RCC2: variants seen among roughly 807,000 people sequenced by gnomAD.
RCC2 encodes the protein regulator of chromosome condensation 2, also known as protein RCC2.
A neutral mutation model predicts 64.1 loss-of-function variants in RCC2; 19 were observed. That is an observed-to-expected ratio of 0.30 (90% CI 0.21 to 0.44). The LOEUF is 0.44. RCC2 is among the 20% of genes least tolerant of loss of function. The pLI is 1.00. For missense variants in RCC2, 508 were observed against 710.4 expected, an observed-to-expected ratio of 0.72 and a Z score of 3.24; for synonymous variants, 325 against 279.6, an observed-to-expected ratio of 1.16 and a Z score of -1.62.
chr1:17,415,895 C>A (rs1464274893), intron 8 of RCC2, among the ~76,000 whole-genome samples: 1 of 151,630 alleles, frequency 6.6e-6, no homozygotes, highest in Non-Finnish European at 1.5e-5. Context: ...ATGGAGAAAC[C>A]CTGTCTCTAC....
chr1:17,435,771 A>C (rs1250294781), intron 2 of RCC2, among the ~76,000 whole-genome samples: 1 of 152,120 alleles, frequency 6.6e-6, no homozygotes, highest in African/African-American at 2.4e-5. Context: ...ACAAAAAATT[A>C]GCCAGGTGTG....
At chr1:17,434,094 G>A (rs1225185256) in intron 2 of RCC2, among the ~76,000 whole-genome samples, 2 of 152,198 alleles carry the variant, frequency 1.3e-5, no homozygotes, top group Non-Finnish European at 2.9e-5. Context: ...TATGAAGTGC[G>A]CAAAGAATTA....
chr1:17,435,316 A>G (rs1457772577), intron 2 of RCC2, among the ~76,000 whole-genome samples: 1 of 152,240 alleles, frequency 6.6e-6, no homozygotes, highest in Non-Finnish European at 1.5e-5. Context: ...CGACACCTGC[A>G]GCTTTGGGGT....
chr1:17,429,343 C>G, intron 2 of RCC2, 144 bp from the exon 3 acceptor site: 1 of 661,254 alleles, frequency 1.5e-6, no homozygotes, highest in Non-Finnish European at 2.7e-6. Flanking sequence ...ACAGAGTCTC[C>G]CCACACTCCC....
At chr1:17,425,767 T>C (rs1297856202) in intron 3 of RCC2, 83 bp from the exon 4 acceptor site, 3 of 1,421,884 alleles carry the variant, frequency 2.1e-6, no homozygotes, top group Non-Finnish European at 2.9e-6. Context: ...AAGCAGCCAC[T>C]TCCCGAGGGT....
chr1:17,422,616 G>T (rs2075567554), intron 5 of RCC2, 89 bp downstream of exon 5: 3 of 1,510,956 alleles, frequency 2.0e-6, no homozygotes, highest in Non-Finnish European at 2.7e-6. Flanking sequence ...AGTCACAAGG[G>T]GAACTCCACC....
chr1:17,431,353 A>AT (rs2075675283), intron 2 of RCC2, among the ~76,000 whole-genome samples: 2 of 47,918 alleles, frequency 4.2e-5, no homozygotes, highest in African/African-American at 1.8e-4. Flanking sequence ...AAAAAAAAAA[A>AT]AAAAAAATAT....
chr1:17,424,939 G>A (rs2075596732), intron 4 of RCC2, among the ~76,000 whole-genome samples: 1 of 152,148 alleles, frequency 6.6e-6, no homozygotes, highest in African/African-American at 2.4e-5. Flanking sequence ...GAGTGCCCAG[G>A]TGAGGAAAAA....
chr1:17,408,930 G>A lies in RCC2; in HGVS notation c.*160C>T, dbSNP rs2075395242. ...GCATACAGAAAAAAAGGTAGTTAAC[G>A]TTGGATCATGTGTAAAACGGAACCT... On this transcript the variant is annotated 3_prime_UTR_variant, in exon 13 of 13. Coordinates refer to ENST00000375436, the MANE Select transcript of RCC2 (RefSeq NM_018715.4). 1.8e-5 allele frequency: 11 copies of A among 622,548 alleles called. No individual in the cohort carries two copies. The highest frequency in any genetic ancestry group is 8.2e-5 in the Admixed American group (3 of 36,670). The allele number at this position is 622,548 out of a possible 1,614,324, so 38.6% of individuals were successfully genotyped here.
chr1:17,412,421 G>C (rs565586868), intron 10 of RCC2, among the ~76,000 whole-genome samples: 1 of 152,358 alleles, frequency 6.6e-6, no homozygotes, highest in South Asian at 2.1e-4. Flanking sequence ...AGGCCTAGGG[G>C]CCAAAGGCAG....
intron 2 of RCC2, among the ~76,000 whole-genome samples, chr1:17,434,208 T>G (rs1286580837): frequency 6.6e-6 from 1 of 152,172 alleles, no homozygotes; most frequent in Non-Finnish European, 1.5e-5. Context: ...TTTTGTATGC[T>G]AATGACTGAC....
rs2075432747 is a variant in RCC2, at chr1:17,412,036, T to C, written c.1386+86A>G. 4 of 1,189,392 alleles carry C rather than the reference T, an allele frequency of 3.4e-6. No individual in the cohort carries two copies. The Admixed American group carries it at 7.1e-5, about 21-fold the overall frequency. 73.7% of individuals were successfully genotyped at this position (1,189,392 alleles called of 1,614,324 possible). On this transcript the variant is annotated intron_variant, in intron 11 of 12. Coordinates refer to ENST00000375436, the MANE Select transcript of RCC2 (RefSeq NM_018715.4). ...CCCAAATGTTTTTCTTCTGTGTGTT[T>C]TGGGAGACAGGTGGAGAGAACCCAA...
chr1:17,415,967 G>A (rs1233234317), intron 8 of RCC2, among the ~76,000 whole-genome samples: 1 of 151,578 alleles, frequency 6.6e-6, no homozygotes, highest in East Asian at 2.0e-4. Context: ...TACTCGGGAG[G>A]CTGAGGCAGG....
intron 4 of RCC2, among the ~76,000 whole-genome samples, chr1:17,424,082 T>G (rs1486545185): frequency 2.6e-5 from 4 of 152,160 alleles, no homozygotes; most frequent in African/African-American, 9.7e-5. Context: ...CAAGTGCAAG[T>G]CTCAGTGGAC....
At chr1:17,439,330 CTTTTT>C (rs34171604) in intron 1 of RCC2, among the ~76,000 whole-genome samples, 22 of 139,410 alleles carry the variant, frequency 1.6e-4, no homozygotes, top group African/African-American at 5.5e-4. Flanking sequence ...CCCCTGTCTG[CTTTTT>C]TTTTTTTTTT....
In RCC2 at chr1:17,435,918, CAAAAAAAA is replaced by C. The variant is rs57932179; in HGVS notation, c.285+2304_285+2311del. 3.4e-5 allele frequency among the ~76,000 whole-genome samples: 3 copies of C among 88,268 alleles called. No individual in the cohort carries two copies. The South Asian group carries it at 1.1e-3, about 33-fold the overall frequency. 57.9% of individuals were successfully genotyped at this position (88,268 alleles called of 152,430 possible). A position where few individuals can be genotyped will look rare whatever the true frequency, so the allele number is the denominator to read the frequency against. On this transcript the variant is annotated intron_variant, in intron 2 of 12. Coordinates refer to ENST00000375436, the MANE Select transcript of RCC2 (RefSeq NM_018715.4). The stretch of plus-strand genomic sequence containing the variant: ...GGGCAACAACAGCTAAACTCCAGCT[CAAAAAAAA>C]AAAAAAAAAAGCAAAACTTAAATGT...
chr1:17,416,318 G>C (rs564604290), intron 8 of RCC2, among the ~76,000 whole-genome samples, 162 bp downstream of exon 8: 5 of 152,238 alleles, frequency 3.3e-5, no homozygotes, highest in African/African-American at 1.2e-4. Flanking sequence ...CCTGCCCTGG[G>C]ACCAAGGACC....
chr1:17,412,107 C>G lies in RCC2; in HGVS notation c.1386+15G>C. 2 of 1,613,882 alleles carry G rather than the reference C, an allele frequency of 1.2e-6. No individual in the cohort carries two copies. The highest frequency in any genetic ancestry group is 1.7e-6 in the Non-Finnish European group (2 of 1,179,748). On this transcript the variant is annotated intron_variant, in intron 11 of 12. Transcript: ENST00000375436. The stretch of plus-strand genomic sequence containing the variant: ...TGGCTTCCACTTCCCCTGACCCGCA[C>G]AGGTGACAGCTTACCAGTTCCCCAA...
At chr1:17,417,391 G>A (rs1233316736) in intron 7 of RCC2, among the ~76,000 whole-genome samples, 2 of 152,184 alleles carry the variant, frequency 1.3e-5, no homozygotes, top group Non-Finnish European at 2.9e-5. Context: ...AGTTTGGTTG[G>A]GCACGGTGGG....
Sources: allele counts gnomAD v4.1 joint callset (sites outside exome capture counted in the v4.1 genomes callset), GRCh38; gene constraint gnomAD v4.1.1; transcripts MANE v1.5; gene names NCBI Gene and HGNC (gene_info 2026-07-23, HGNC 2026-07-21).